EPHA2: variants seen among roughly 807,000 people sequenced by gnomAD.
EPHA2 encodes EPH receptor A2.
EPHA2 carries 54 observed loss-of-function variants against 104.9 expected under a neutral mutation model. That is an observed-to-expected ratio of 0.51 (90% CI 0.41 to 0.65). The LOEUF is 0.65. EPHA2 is among the 30% of genes least tolerant of loss of function. The probability of loss-of-function intolerance (pLI) is 0.00; values close to 1 mark genes in which losing one functional copy is unlikely to be tolerated. For synonymous variants in EPHA2, 560 were observed against 559.1 expected (o/e 1.00, Z -0.02); for missense variants, 1,117 against 1,369.5 (o/e 0.82, Z 2.91).
rs2025106664 is a variant in EPHA2 at position 16,154,352 on chromosome 1, C to G, written c.85+1496G>C. 2.0e-5 allele frequency among the ~76,000 whole-genome samples: 3 copies of G among 152,222 alleles called. No homozygotes were observed. The South Asian group carries it at 6.2e-4, about 32-fold the overall frequency. Reference sequence around the variant, plus strand: ...GGCCCTGTCACTCCAGAGACTGAGACAGGATGCCACCCCCAACACCTGCCA... The same window carrying G: ...GGCCCTGTCACTCCAGAGACTGAGAGAGGATGCCACCCCCAACACCTGCCA... On this transcript the variant is annotated intron_variant, in intron 1 of 16. Transcript: ENST00000358432.
chr1:16,130,403 T>C lies in EPHA2; in HGVS notation c.2492A>G (p.Asn831Ser), dbSNP rs774841523. 6 of 1,547,872 alleles carry C rather than the reference T, an allele frequency of 3.9e-6. No homozygotes were observed. The highest frequency in any genetic ancestry group is 1.4e-5 in the African/African-American group (1 of 73,144). Residue 831 changes from asparagine (N) to serine (S), a missense_variant, in exon 15 of 17, where the codon AAT becomes AGT. Physicochemically the swap from Asn to Ser is conservative, Grantham distance 46 (BLOSUM62 1). Coordinates refer to ENST00000358432, the MANE Select transcript of EPHA2 (RefSeq NM_004431.5). The surrounding 1 kb of genome is among the most constrained non-coding windows in gnomAD (Gnocchi z 4.5). ...LSNHEVMKAI[N>S]DGFRLPTPMD... ...GGGTGTGGGGAGCCGGAAGCCATCATTGATGGCTTTCATCACCTGGCGGGG... is the reference window on the plus strand; with the variant it reads ...GGGTGTGGGGAGCCGGAAGCCATCACTGATGGCTTTCATCACCTGGCGGGG...
intron 2 of EPHA2, among the ~76,000 whole-genome samples, chr1:16,149,786 C>G (rs1034488942): frequency 1.3e-5 from 2 of 152,200 alleles, no homozygotes; most frequent in African/African-American, 4.8e-5. Context: ...CATCTGGGCT[C>G]CCACATGAGA....
chr1:16,150,139 C>T lies in EPHA2; in HGVS notation c.153+757G>A, dbSNP rs1184042712. 2.0e-5 allele frequency among the ~76,000 whole-genome samples: 3 copies of T among 152,170 alleles called. No individual in the cohort carries two copies. The highest frequency in any genetic ancestry group is 2.9e-5 in the Non-Finnish European group (2 of 68,010). ...GCTAGGGTGACCGGGGACAAGAACT[C>T]GACTCATGCAGATCTGGCCAGCTCT... On this transcript the variant is annotated intron_variant, in intron 2 of 16. Coordinates refer to ENST00000358432, the MANE Select transcript of EPHA2 (RefSeq NM_004431.5). The surrounding 1 kb of genome is among the most constrained non-coding windows in gnomAD (Gnocchi z 4.8).
rs191175296 is a variant in EPHA2 at position 16,134,121 on chromosome 1, C to A, written c.1683-206G>T. On this transcript the variant is annotated intron_variant, in intron 8 of 16. Coordinates refer to ENST00000358432, the MANE Select transcript of EPHA2 (RefSeq NM_004431.5). The surrounding 1 kb of genome is among the most constrained non-coding windows in gnomAD (Gnocchi z 4.5). The stretch of plus-strand genomic sequence containing the variant: ...AGGAACAGGGAGGAAGTGAGCGAGC[C>A]AGGACTCCCTCTCCAGGATCTAGGC... Among the ~76,000 whole-genome samples, 3 of 152,200 alleles carry A rather than the reference C, an allele frequency of 2.0e-5. No individual in the cohort carries two copies. The highest frequency in any genetic ancestry group is 1.3e-4 in the Admixed American group (2 of 15,290).
Position 16,129,561 on chromosome 1 carries a change from C to A in EPHA2, c.2698G>T (p.Gly900Cys). 6.2e-7 allele frequency: 1 copy of A among 1,612,686 alleles called. No individual in the cohort carries two copies. Among genetic ancestry groups the A allele is most frequent in the Non-Finnish European group, 8.5e-7 (1 of 1,179,938 alleles). The change falls in exon 16 of 17, where the codon GGC becomes TGC. Residue 900 changes from glycine to cysteine, a missense_variant. Around this residue, in one of 3 missense-constraint regions of EPHA2, gnomAD observed 340 missense variants for 480.5 expected, o/e 0.71. Transcript: ENST00000358432. The stretch of plus-strand genomic sequence containing the variant: ...GTGCGGAAGGGCACCCCCTCCGAGC[C>A]GCTCGTGCTGGGGAGCCGGATAGAC... ...RVSIRLPSTS[G>C]SEGVPFRTVS...
rs762658525 is a variant in EPHA2 at position 16,138,336 on chromosome 1, G to C, written c.918C>G (p.Ser306=). 1 of 1,613,858 alleles carries C rather than the reference G, an allele frequency of 6.2e-7. No individual in the cohort carries two copies. The highest frequency in any genetic ancestry group is 1.7e-5 in the Admixed American group (1 of 60,002). The change falls in exon 4 of 17, where the codon TCC becomes TCG. Residue 306 remains serine, a synonymous_variant. Transcript: ENST00000358432. ...HTLPSPEGAT[S]CECEEGFFRA... ...GGAAGAAGCCTTCCTCACACTCGCA[G>C]GAGGTGGCACCCTCAGGGGATGGCA... is the stretch of plus-strand genomic sequence containing the variant.
In EPHA2 at chr1:16,130,225, C is replaced by A. The variant is rs1299107532; in HGVS notation, c.2669+1G>T. The stretch of plus-strand genomic sequence containing the variant: ...TCATGGGCAGAGGGCATAGAACTCA[C>A]CGGGGGTCAAAGTCAGCCAGGGTCT... On this transcript the variant is annotated splice_donor_variant, in intron 15 of 16. Transcript: ENST00000358432. LOFTEE classifies it high-confidence loss of function. The surrounding 1 kb of genome is among the most constrained non-coding windows in gnomAD (Gnocchi z 4.5). 6.2e-7 allele frequency: 1 copy of A among 1,614,136 alleles called. No individual in the cohort carries two copies. The highest frequency in any genetic ancestry group is 8.5e-7 in the Non-Finnish European group (1 of 1,180,006).
intron 16 of EPHA2, among the ~76,000 whole-genome samples, chr1:16,127,362 C>T (rs762295095): frequency 6.6e-6 from 1 of 152,132 alleles, no homozygotes; most frequent in Non-Finnish European, 1.5e-5. Context: ...CCACGCCTTT[C>T]GTCAGCTGCT....
chr1:16,155,983 C>T lies in EPHA2; in HGVS notation c.-51G>A. The T allele has an allele frequency of 7.1e-7, 1 of 1,416,400 alleles. No homozygotes were observed. Among genetic ancestry groups the T allele is most frequent in the Non-Finnish European group, 9.3e-7 (1 of 1,080,618 alleles). The allele number at this position is 1,416,400 out of a possible 1,614,324, so 87.7% of individuals were successfully genotyped here. On this transcript the variant is annotated 5_prime_UTR_variant, in exon 1 of 17. In the 5' UTR this introduces an upstream ATG that the reference lacks. Coordinates refer to ENST00000358432, the MANE Select transcript of EPHA2 (RefSeq NM_004431.5). ...TCCCCCCGAGCCCGGCTCCCGCACACCCGCACGCCTGCACGCCGGCCTCGG... is the reference window on the plus strand; with the variant it reads ...TCCCCCCGAGCCCGGCTCCCGCACATCCGCACGCCTGCACGCCGGCCTCGG...
chr1:16,142,807 A>G (rs1180960373), intron 3 of EPHA2, among the ~76,000 whole-genome samples: 1 of 136,846 alleles, frequency 7.3e-6, no homozygotes, highest in Non-Finnish European at 1.5e-5. Context: ...GAGTGGATGG[A>G]TGGATGCGGG....
intron 3 of EPHA2, among the ~76,000 whole-genome samples, chr1:16,145,840 T>C (rs931651041): frequency 6.6e-6 from 1 of 152,252 alleles, no homozygotes; most frequent in African/African-American, 2.4e-5. Flanking sequence ...CAGATCCTGA[T>C]GCAGCCACAT....
At chr1:16,151,037 A>T in intron 1 of EPHA2, 74 bp from the exon 2 acceptor site, 2 of 1,489,006 alleles carry the variant, frequency 1.3e-6, no homozygotes, top group Non-Finnish European at 9.4e-7. Context: ...AAAGGTGAGG[A>T]TCCCTCCAGG....
chr1:16,131,919 A>G lies in EPHA2; in HGVS notation c.2326-49T>C, dbSNP rs557603644. The G allele has an allele frequency of 1.9e-5, 31 of 1,605,522 alleles. No individual in the cohort carries two copies. The East Asian group carries it at 7.0e-4, about 36-fold the overall frequency. On this transcript the variant is annotated intron_variant, in intron 13 of 16. Coordinates refer to ENST00000358432, the MANE Select transcript of EPHA2 (RefSeq NM_004431.5). This position sits in a 1 kb window ranked among gnomAD's most constrained non-coding sequence, Gnocchi z 5.2. ...ACCACTGTGCCCTCTGGCTGGCCCC[A>G]GGACCATTGCAGCCAAGCCCCACGA...
Position 16,135,308 on chromosome 1 carries a change from G to T in EPHA2, c.1429-119C>A. The T allele has an allele frequency of 7.4e-7, 1 of 1,353,620 alleles. No homozygotes were observed. Among genetic ancestry groups the T allele is most frequent in the South Asian group, 1.2e-5 (1 of 82,618 alleles). The allele number at this position is 1,353,620 out of a possible 1,614,324, so 83.9% of individuals were successfully genotyped here. ...GCTTGCCTTTGTTAGCAAACTTGAG[G>T]CTCTTCTTACAGAGGAGGAAACTGA... On this transcript the variant is annotated intron_variant, in intron 6 of 16. Transcript: ENST00000358432. The surrounding 1 kb of genome is among the most constrained non-coding windows in gnomAD (Gnocchi z 4.3).
Position 16,132,023 on chromosome 1 carries a change from C to T in EPHA2, c.2325+41G>A, listed in dbSNP as rs772064451. On this transcript the variant is annotated intron_variant, in intron 13 of 16. Coordinates refer to ENST00000358432, the MANE Select transcript of EPHA2 (RefSeq NM_004431.5). Reference sequence around the variant, plus strand: ...GCAGGTGAGAGGACACCATGCAGGGCGAAGGCCGCTTCTCCCTTGAGGTCC... The same window carrying T: ...GCAGGTGAGAGGACACCATGCAGGGTGAAGGCCGCTTCTCCCTTGAGGTCC... 1.4e-5 allele frequency: 22 copies of T among 1,613,164 alleles called. No individual in the cohort carries two copies. In the Middle Eastern group the frequency reaches 8.2e-4, roughly 60 times the overall value.
rs779208687 is a variant in EPHA2, at chr1:16,125,303, C to A, written c.2843G>T (p.Gly948Val). 1 of 1,609,628 alleles carries A rather than the reference C, an allele frequency of 6.2e-7. No individual in the cohort carries two copies. The highest frequency in any genetic ancestry group is 2.2e-5 in the East Asian group (1 of 44,620). The part of the protein sequence containing the change: ...QMTNDDIKRI[G>V]VRLPGHQKRI... ...CTTCTGGTGGCCGGGCAGCCGCACC[C>A]CAATCCTCTTGATGTCGCTGTGGGC... Residue 948 changes from glycine (G) to valine (V), a missense_variant, in exon 17 of 17, where the codon GGG becomes GTG. Around this residue, in one of 3 missense-constraint regions of EPHA2, gnomAD observed 340 missense variants for 480.5 expected, o/e 0.71. Coordinates refer to ENST00000358432, the MANE Select transcript of EPHA2 (RefSeq NM_004431.5). This position sits in a 1 kb window ranked among gnomAD's most constrained non-coding sequence, Gnocchi z 4.9.
chr1:16,147,700 A>G (rs1410549856), intron 3 of EPHA2, among the ~76,000 whole-genome samples: 2 of 151,046 alleles, frequency 1.3e-5, no homozygotes, highest in East Asian at 3.9e-4. Flanking sequence ...CCTACGAGAT[A>G]GACGCTATGA....
At position 16,131,723 on chromosome 1, in the gene EPHA2, C is replaced by T. The variant is rs2291806; in HGVS notation, c.2473G>A (p.Glu825Lys). Reference protein sequence around the residue: ...ERPYWELSNHEVMKAINDGFR... With the variant: ...ERPYWELSNHKVMKAINDGFR... The stretch of plus-strand genomic sequence containing the variant: ...CTGGGGAGGGCAAGGGCACCCACCT[C>T]GTGGTTGGACAACTCCCAGTAGGGC... Residue 825 changes from glutamate to lysine, a missense_variant and splice_region_variant, in exon 14 of 17, where the codon GAG becomes AAG. By Grantham distance (56) the Glu-to-Lys change is moderately conservative. Coordinates refer to ENST00000358432, the MANE Select transcript of EPHA2 (RefSeq NM_004431.5). The surrounding 1 kb of genome is among the most constrained non-coding windows in gnomAD (Gnocchi z 5.2). 16 of 1,613,910 alleles carry T rather than the reference C, an allele frequency of 9.9e-6. No homozygotes were observed. The East Asian group carries it at 1.3e-4, about 13-fold the overall frequency.
Position 16,129,493 on chromosome 1 carries a change from C to T in EPHA2, c.2766G>A (p.Thr922=), listed in dbSNP as rs373381513. Residue 922 remains threonine, a synonymous_variant, in exon 16 of 17, where the codon ACG becomes ACA. Coordinates refer to ENST00000358432, the MANE Select transcript of EPHA2 (RefSeq NM_004431.5). ...WLESIKMQQY[T]EHFMAAGYTA... ...TGTAGCCGGCCGCCATGAAGTGCTCCGTATACTGCTGCATCTTGATGGACT... is the reference window on the plus strand; with the variant it reads ...TGTAGCCGGCCGCCATGAAGTGCTCTGTATACTGCTGCATCTTGATGGACT... 1.5e-5 allele frequency: 25 copies of T among 1,613,748 alleles called. No individual in the cohort carries two copies. The highest frequency in any genetic ancestry group is 3.3e-4 in the Middle Eastern group (2 of 6,084).
Sources: gnomAD v4.1 joint callset for allele counts (sites outside exome capture counted in the v4.1 genomes callset) on GRCh38, gnomAD v4.1.1 for gene constraint, gnomAD v4.1.1 regional missense constraint, Gnocchi (gnomAD v3.1) non-coding constraint, MANE v1.5 for transcripts, NCBI Gene and HGNC (gene_info 2026-07-23, HGNC 2026-07-21) for gene names.